Variants in MYO1D observed in about 807,000 individuals in gnomAD.
The protein encoded by MYO1D is unconventional myosin-Id.
In MYO1D, 83 loss-of-function variants were observed where a neutral mutation model predicts 122.0. The ratio of observed to expected loss-of-function variants is 0.68; its 90% confidence interval spans 0.57 to 0.82. The LOEUF is 0.82. MYO1D is among the 40% of genes least tolerant of loss of function. The pLI, the probability that MYO1D is intolerant of heterozygous loss-of-function variation, is 0.00. For missense variants in MYO1D, 1,157 were observed against 1,269.5 expected, an observed-to-expected ratio of 0.91 and a Z score of 1.35; for synonymous variants, 464 against 446.9, an observed-to-expected ratio of 1.04 and a Z score of -0.48.
At chr17:32,759,422 T>A (rs1395406823) in intron 10 of MYO1D, among the ~76,000 whole-genome samples, 1 of 152,128 alleles carries the variant, frequency 6.6e-6, no homozygotes, top group African/African-American at 2.4e-5. Context: ...ATTTCAAATA[T>A]TTTTTTGCTG....
rs187965810 is a variant in MYO1D at position 32,861,290 on chromosome 17, T to C, written c.95+15488A>G. On this transcript the variant is annotated intron_variant, in intron 1 of 21. Transcript: ENST00000318217. ...ACCATGTTAGCCAGGATGGTCTCAA[T>C]CTCCTGACCTCGTGATCCACCCGCC... is the stretch of plus-strand genomic sequence containing the variant. 6.7e-3 allele frequency among the ~76,000 whole-genome samples: 1,018 copies of C among 151,932 alleles called. 8 individuals carry two copies. Among genetic ancestry groups the C allele is most frequent in the Middle Eastern group, 0.021 (6 of 290 alleles).
intron 16 of MYO1D, among the ~76,000 whole-genome samples, chr17:32,710,559 C>T (rs1452531039): frequency 6.6e-6 from 1 of 152,096 alleles, no homozygotes; most frequent in East Asian, 1.9e-4. Flanking sequence ...AATTCCAAAT[C>T]ACTAACTATA....
At chr17:32,862,068 T>C (rs563783317) in intron 1 of MYO1D, among the ~76,000 whole-genome samples, 1 of 152,224 alleles carries the variant, frequency 6.6e-6, no homozygotes, top group East Asian at 1.9e-4. Context: ...CTCTCTTCCC[T>C]ATCTGATTGT....
At chr17:32,858,142 A>G (rs1461606528) in intron 1 of MYO1D, among the ~76,000 whole-genome samples, 1 of 152,218 alleles carries the variant, frequency 6.6e-6, no homozygotes, top group Non-Finnish European at 1.5e-5. Flanking sequence ...CAGATGCACA[A>G]CATCTCTTTA....
intron 21 of MYO1D, among the ~76,000 whole-genome samples, chr17:32,511,783 C>T (rs1909704224): frequency 6.6e-6 from 1 of 152,076 alleles, no homozygotes; most frequent in African/African-American, 2.4e-5. Flanking sequence ...GCACCAGCAC[C>T]CACACCTTCC....
intron 1 of MYO1D, among the ~76,000 whole-genome samples, chr17:32,871,129 G>A (rs2091175441): frequency 6.6e-6 from 1 of 152,252 alleles, no homozygotes; most frequent in Admixed American, 6.5e-5. Flanking sequence ...ACATTCCAGG[G>A]GGTGAAAACA....
At chr17:32,857,426 A>G (rs1412266760) in intron 1 of MYO1D, among the ~76,000 whole-genome samples, 1 of 152,102 alleles carries the variant, frequency 6.6e-6, no homozygotes, top group African/African-American at 2.4e-5. Flanking sequence ...TCTACTAAAA[A>G]TACAAAAAAT....
At chr17:32,741,885 G>T (rs897971251) in intron 13 of MYO1D, among the ~76,000 whole-genome samples, 2 of 151,818 alleles carry the variant, frequency 1.3e-5, no homozygotes, top group East Asian at 1.9e-4. Context: ...CGTGGTGGTG[G>T]GCGCCTGTAG....
chr17:32,875,574 G>C (rs1351444458), intron 1 of MYO1D, among the ~76,000 whole-genome samples: 1 of 152,168 alleles, frequency 6.6e-6, no homozygotes, highest in Non-Finnish European at 1.5e-5. Flanking sequence ...ATTGGTTATA[G>C]CTGATGTAGA....
intron 21 of MYO1D, among the ~76,000 whole-genome samples, chr17:32,515,501 A>G (rs1461626453): frequency 6.6e-6 from 1 of 152,154 alleles, no homozygotes; most frequent in Non-Finnish European, 1.5e-5. Flanking sequence ...TTTGTTGCCC[A>G]GGCTTGTCTT....
chr17:32,875,690 CTGATTGACCCCTGTCAACT>C (rs946100475), intron 1 of MYO1D, among the ~76,000 whole-genome samples: 7 of 152,234 alleles, frequency 4.6e-5, no homozygotes, highest in Non-Finnish European at 2.9e-5. Flanking sequence ...TGTAATCAAC[CTGATTGACCCCTGTCAACT>C]GGATTGACAG....
intron 16 of MYO1D, among the ~76,000 whole-genome samples, chr17:32,698,208 G>C (rs1223236143): frequency 6.6e-6 from 1 of 152,144 alleles, no homozygotes; most frequent in African/African-American, 2.4e-5. Flanking sequence ...GGAAATACTA[G>C]CTACCATATC....
Position 32,516,693 on chromosome 17 carries a change from T to C in MYO1D, c.2865-21778A>G, listed in dbSNP as rs569343235. Among the ~76,000 whole-genome samples the C allele has an allele frequency of 2.6e-4, 40 of 152,376 alleles. No homozygotes were observed. In the Middle Eastern group the frequency reaches 0.014, roughly 52 times the overall value. Reference sequence around the variant, plus strand: ...CCAATAGAAGGCCAATTGCATCTGATACCTCAGTGGGCAGTTTAGGCAAAT... The same window carrying C: ...CCAATAGAAGGCCAATTGCATCTGACACCTCAGTGGGCAGTTTAGGCAAAT... On this transcript the variant is annotated intron_variant, in intron 21 of 21. Transcript: ENST00000318217.
At chr17:32,748,341 G>A (rs1242980052) in intron 12 of MYO1D, among the ~76,000 whole-genome samples, 1 of 152,008 alleles carries the variant, frequency 6.6e-6, no homozygotes, top group Non-Finnish European at 1.5e-5. Context: ...TATGCCTACT[G>A]TTTCTTCTAC....
rs774165004 is a variant in MYO1D, at chr17:32,629,604, C to T, written c.2709+9118G>A. ...AAAAAAAATTAGCCAGGCGTGGTGG[C>T]GGGCGCCTGTAATTCCAGCTACTCG... is the stretch of plus-strand genomic sequence containing the variant. On this transcript the variant is annotated intron_variant, in intron 20 of 21. Coordinates refer to ENST00000318217, the MANE Select transcript of MYO1D (RefSeq NM_015194.3). 3.3e-5 allele frequency among the ~76,000 whole-genome samples: 5 copies of T among 152,072 alleles called. No homozygotes were observed. In the East Asian group the frequency reaches 5.8e-4, roughly 18 times the overall value.
chr17:32,619,698 C>T (rs1008199153), intron 20 of MYO1D, among the ~76,000 whole-genome samples: 3 of 152,176 alleles, frequency 2.0e-5, no homozygotes, highest in Admixed American at 2.0e-4. Context: ...AATTGTTTTA[C>T]TAATTGAATC....
chr17:32,746,098 T>G (rs2089835232), intron 12 of MYO1D, among the ~76,000 whole-genome samples: 1 of 152,188 alleles, frequency 6.6e-6, no homozygotes, highest in African/African-American at 2.4e-5. Context: ...GTATAAGCAA[T>G]TCTCAGATCT....
chr17:32,630,649 C>T (rs11869316), intron 20 of MYO1D, among the ~76,000 whole-genome samples: 86,111 of 151,444 alleles, frequency 0.57, 25,235 homozygotes, highest in African/African-American at 0.7. Flanking sequence ...CTCGGCTCAC[C>T]GCAAGCTCCG....
At chr17:32,842,089 C>T (rs2090888378) in intron 1 of MYO1D, among the ~76,000 whole-genome samples, 1 of 152,046 alleles carries the variant, frequency 6.6e-6, no homozygotes, top group Non-Finnish European at 1.5e-5. Flanking sequence ...TCTCGGCAGC[C>T]CCAATATTGG....
Sources: allele counts gnomAD v4.1 joint callset (sites outside exome capture counted in the v4.1 genomes callset), GRCh38; gene constraint gnomAD v4.1.1; transcripts MANE v1.5; gene names NCBI Gene and HGNC (gene_info 2026-07-23, HGNC 2026-07-21).